Variants in POLR3B observed in about 807,000 individuals in gnomAD.
POLR3B encodes RNA polymerase III subunit B.
A neutral mutation model predicts 147.4 loss-of-function variants in POLR3B; 96 were observed. That is an observed-to-expected ratio of 0.65 (90% confidence interval 0.55 to 0.77). The LOEUF (loss-of-function observed/expected upper bound fraction) is 0.77. Ranked by LOEUF, POLR3B falls within the 30% of genes least tolerant of loss-of-function variation. The probability of loss-of-function intolerance (pLI) is 0.00; values close to 1 mark genes in which losing one functional copy is unlikely to be tolerated. For missense variants in POLR3B, 1,036 were observed against 1,413.5 expected, an observed-to-expected ratio of 0.73 and a Z score of 4.28; for synonymous variants, 461 against 485.9, an observed-to-expected ratio of 0.95 and a Z score of 0.67.
intron 1 of POLR3B, 36 bp downstream of exon 1, chr12:106,357,987 G>A (rs772024925): frequency 1.9e-6 from 3 of 1,607,816 alleles, no homozygotes; most frequent in Non-Finnish European, 2.5e-6. Context: ...TCAGGGACAA[G>A]GATGCGCCCT....
intron 19 of POLR3B, among the ~76,000 whole-genome samples, chr12:106,451,709 A>G (rs978891192): frequency 4.6e-5 from 7 of 152,072 alleles, no homozygotes; most frequent in Non-Finnish European, 8.8e-5. Flanking sequence ...AGCTAAATGC[A>G]TAAAACTTCA....
At chr12:106,483,825 C>T (rs993597189) in intron 23 of POLR3B, among the ~76,000 whole-genome samples, 11 of 152,132 alleles carry the variant, frequency 7.2e-5, no homozygotes, top group African/African-American at 2.4e-4. Flanking sequence ...GTCTTGTGGG[C>T]CATACTGAAT....
intron 22 of POLR3B, among the ~76,000 whole-genome samples, chr12:106,462,204 G>A (rs2137035478): frequency 6.6e-6 from 1 of 152,274 alleles, no homozygotes; most frequent in Non-Finnish European, 1.5e-5. Flanking sequence ...CTGTCCATCT[G>A]CCTCCAGGCT....
intron 18 of POLR3B, among the ~76,000 whole-genome samples, chr12:106,443,455 T>C (rs1289114629): frequency 3.3e-5 from 5 of 152,196 alleles, no homozygotes; most frequent in East Asian, 1.9e-4. Flanking sequence ...TTTCAAGTGC[T>C]CAGTAGCCAC....
At chr12:106,487,314 T>C (rs142724004) in intron 23 of POLR3B, among the ~76,000 whole-genome samples, 196 of 152,372 alleles carry the variant, frequency 1.3e-3, no homozygotes, top group African/African-American at 4.5e-3. Context: ...ATAAGAGCAG[T>C]GGTTAGTTGA....
chr12:106,477,719 G>GGCTC (rs1683716374), intron 23 of POLR3B, among the ~76,000 whole-genome samples: 1 of 151,976 alleles, frequency 6.6e-6, no homozygotes, highest in African/African-American at 2.4e-5. Context: ...ACCCTGCTTC[G>GGCTC]GCTCGCGCAG....
rs118062040 is a variant in POLR3B, at chr12:106,443,504, T to A, written c.1956-959T>A. Among the ~76,000 whole-genome samples, 90 of 151,832 alleles carry A rather than the reference T, an allele frequency of 5.9e-4. 1 individual carries two copies. The East Asian group carries it at 0.017, about 29-fold the overall frequency. ...CTAGTGGCTATGGTATTGGTCTCTG[T>A]TGGTCTATAGTAACTATTCTTTTTT... On this transcript the variant is annotated intron_variant, in intron 18 of 27. Transcript: ENST00000228347.
chr12:106,375,174 T>G (rs954827505), intron 6 of POLR3B, among the ~76,000 whole-genome samples: 1 of 152,260 alleles, frequency 6.6e-6, no homozygotes, highest in Non-Finnish European at 1.5e-5. Context: ...CACACTGCTC[T>G]GTGTCATTGG....
intron 4 of POLR3B, among the ~76,000 whole-genome samples, chr12:106,368,904 T>G (rs866500735): frequency 2.7e-5 from 4 of 148,446 alleles, no homozygotes; most frequent in Middle Eastern, 3.5e-3. Context: ...GTTTTTTTTT[T>G]GTTTGTTTTT....
intron 18 of POLR3B, among the ~76,000 whole-genome samples, chr12:106,440,959 A>C (rs1182437108): frequency 1.3e-5 from 2 of 152,152 alleles, no homozygotes; most frequent in African/African-American, 4.8e-5. Context: ...TGTATTATTT[A>C]ATTCATACTT....
intron 12 of POLR3B, among the ~76,000 whole-genome samples, chr12:106,413,626 A>G (rs1565888966): frequency 6.6e-6 from 1 of 151,804 alleles, no homozygotes; most frequent in African/African-American, 2.4e-5. Context: ...AGTTTTCTTT[A>G]TGATATGCCT....
chr12:106,408,935 G>A (rs564534232), intron 11 of POLR3B, among the ~76,000 whole-genome samples: 1 of 152,310 alleles, frequency 6.6e-6, no homozygotes, highest in East Asian at 1.9e-4. Flanking sequence ...TCAATCCCAA[G>A]GGGGTGATGG....
chr12:106,476,726 T>G (rs974340117), intron 23 of POLR3B, among the ~76,000 whole-genome samples: 38 of 151,590 alleles, frequency 2.5e-4, no homozygotes, highest in African/African-American at 8.5e-4. Flanking sequence ...ATCAGCTCCT[T>G]TAAGCACTTC....
chr12:106,383,306 T>G (rs1343724827), intron 9 of POLR3B, among the ~76,000 whole-genome samples: 1 of 152,212 alleles, frequency 6.6e-6, no homozygotes, highest in African/African-American at 2.4e-5. Context: ...ATATGTTCAC[T>G]GGAATAGCAC....
At chr12:106,421,462 A>G (rs1391617545) in intron 12 of POLR3B, among the ~76,000 whole-genome samples, 2 of 152,142 alleles carry the variant, frequency 1.3e-5, no homozygotes, top group Non-Finnish European at 2.9e-5. Context: ...TTTGTCTAAT[A>G]GATGCAAAAT....
chr12:106,452,801 T>G (rs534241331), intron 19 of POLR3B, among the ~76,000 whole-genome samples: 1 of 152,306 alleles, frequency 6.6e-6, no homozygotes, highest in Non-Finnish European at 1.5e-5. Flanking sequence ...AGTTTCAGTT[T>G]GACTTGTTTT....
At chr12:106,438,913 A>G (rs1390645047) in intron 18 of POLR3B, among the ~76,000 whole-genome samples, 2 of 152,252 alleles carry the variant, frequency 1.3e-5, no homozygotes, top group Non-Finnish European at 2.9e-5. Flanking sequence ...TGATATTTTT[A>G]GAAGCATCTG....
At chr12:106,492,075 G>A (rs2038413942) in intron 23 of POLR3B, among the ~76,000 whole-genome samples, 1 of 152,128 alleles carries the variant, frequency 6.6e-6, no homozygotes, top group Admixed American at 6.5e-5. Flanking sequence ...CATTACAGTT[G>A]TCTTCTGCAG....
chr12:106,504,339 T>C lies in POLR3B; in HGVS notation c.3272+85T>C. On this transcript the variant is annotated intron_variant, in intron 27 of 27. Transcript: ENST00000228347. This position sits in a 1 kb window ranked among gnomAD's most constrained non-coding sequence, Gnocchi z 4.6. Reference sequence around the variant, plus strand: ...GAATTGACCCTGGATCCTATCCGCATATTCTCCAGCCTCTGTCTGTGATCA... The same window carrying C: ...GAATTGACCCTGGATCCTATCCGCACATTCTCCAGCCTCTGTCTGTGATCA... The C allele has an allele frequency of 9.2e-7, 1 of 1,085,866 alleles. No homozygotes were observed. Among genetic ancestry groups the C allele is most frequent in the Non-Finnish European group, 1.4e-6 (1 of 699,536 alleles). The allele number at this position is 1,085,866 out of a possible 1,614,324, so 67.3% of individuals were successfully genotyped here.
Sources: gnomAD v4.1 joint callset for allele counts (sites outside exome capture counted in the v4.1 genomes callset) on GRCh38, gnomAD v4.1.1 for gene constraint, Gnocchi (gnomAD v3.1) non-coding constraint, MANE v1.5 for transcripts, NCBI Gene and HGNC (gene_info 2026-07-23, HGNC 2026-07-21) for gene names.